Variants in SGCZ observed in about 807,000 individuals in gnomAD.
SGCZ encodes the protein sarcoglycan zeta, also known as zeta-sarcoglycan.
SGCZ carries 40 observed loss-of-function variants against 41.3 expected under a neutral mutation model. The observed-to-expected ratio is 0.97, with a 90% CI of 0.75 to 1.26. The LOEUF is 1.26. Among genes scored for constraint, SGCZ ranks in the 50% most tolerant of loss-of-function variants. The probability of loss-of-function intolerance (pLI) is 0.00; values close to 1 mark genes in which losing one functional copy is unlikely to be tolerated. For synonymous variants in SGCZ, 206 were observed against 137.5 expected (o/e 1.50, Z -3.49); for missense variants, 552 against 369.8 (o/e 1.49, Z -4.04).
At chr8:14,820,457 A>G (rs1355107664) in intron 1 of SGCZ, among the ~76,000 whole-genome samples, 1 of 152,056 alleles carries the variant, frequency 6.6e-6, no homozygotes, top group African/African-American at 2.4e-5. Context: ...GTCTACAAAG[A>G]AAAATTGGAA....
At chr8:15,023,285 A>G (rs1803322949) in intron 1 of SGCZ, among the ~76,000 whole-genome samples, 1 of 152,186 alleles carries the variant, frequency 6.6e-6, no homozygotes, top group Non-Finnish European at 1.5e-5. Context: ...AGCTTTCCCC[A>G]GCAGCCTGCT....
intron 2 of SGCZ, among the ~76,000 whole-genome samples, chr8:14,352,679 C>A (rs1353686948): frequency 6.6e-6 from 1 of 152,154 alleles, no homozygotes; most frequent in East Asian, 1.9e-4. Flanking sequence ...AGCTTTAAAA[C>A]CCTAGAAACT....
At chr8:14,853,664 G>C (rs2130660624) in intron 1 of SGCZ, among the ~76,000 whole-genome samples, 1 of 152,242 alleles carries the variant, frequency 6.6e-6, no homozygotes, top group Non-Finnish European at 1.5e-5. Flanking sequence ...ATCATTGGCA[G>C]TTCCTAGAAT....
At chr8:14,225,943 A>C (rs1806357664) in intron 4 of SGCZ, among the ~76,000 whole-genome samples, 1 of 152,124 alleles carries the variant, frequency 6.6e-6, no homozygotes, top group Non-Finnish European at 1.5e-5. Flanking sequence ...TTACACACGT[A>C]TCATAGACCT....
intron 1 of SGCZ, among the ~76,000 whole-genome samples, chr8:14,922,439 T>C (rs971654818): frequency 6.6e-6 from 1 of 152,150 alleles, no homozygotes; most frequent in African/African-American, 2.4e-5. Flanking sequence ...CTAATTTTTA[T>C]GTTTTTGTAT....
At chr8:14,784,594 T>C (rs1800694912) in intron 1 of SGCZ, among the ~76,000 whole-genome samples, 1 of 151,912 alleles carries the variant, frequency 6.6e-6, no homozygotes, top group African/African-American at 2.4e-5. Flanking sequence ...ACAAGGAGAA[T>C]GATAAGATGC....
intron 1 of SGCZ, among the ~76,000 whole-genome samples, chr8:15,214,766 A>C (rs926827475): frequency 6.6e-6 from 1 of 152,174 alleles, no homozygotes; most frequent in African/African-American, 2.4e-5. Context: ...TCTTTCAAAA[A>C]TAATTGCCTA....
intron 2 of SGCZ, among the ~76,000 whole-genome samples, chr8:14,437,622 G>C (rs78001065): frequency 0.031 from 4,702 of 151,776 alleles, 221 homozygotes; most frequent in African/African-American, 0.11. Flanking sequence ...AAATATCAAA[G>C]AGCATAAGCA....
At chr8:14,875,998 G>C (rs539377314) in intron 1 of SGCZ, among the ~76,000 whole-genome samples, 1 of 152,082 alleles carries the variant, frequency 6.6e-6, no homozygotes, top group Non-Finnish European at 1.5e-5. Flanking sequence ...CAAACCATTT[G>C]GGAACTCTGG....
At chr8:14,817,218 G>C (rs977417707) in intron 1 of SGCZ, among the ~76,000 whole-genome samples, 1 of 152,128 alleles carries the variant, frequency 6.6e-6, no homozygotes, top group Non-Finnish European at 1.5e-5. Context: ...ATAGAGAGGG[G>C]ATGGAGGCAC....
At chr8:14,236,549 G>T (rs1806769190) in intron 4 of SGCZ, among the ~76,000 whole-genome samples, 2 of 151,526 alleles carry the variant, frequency 1.3e-5, no homozygotes, top group African/African-American at 2.4e-5. Flanking sequence ...TAGAAATATT[G>T]GAAATATACA....
At chr8:14,879,753 A>G (rs10095307) in intron 1 of SGCZ, 50,958 of 151,590 alleles carry the variant, frequency 0.34, 10,895 homozygotes, top group African/African-American at 0.6. Flanking sequence ...CCTGCCAGCC[A>G]CCAGTTAGAT....
chr8:15,168,457 T>A (rs1799728199), intron 1 of SGCZ, among the ~76,000 whole-genome samples: 1 of 152,180 alleles, frequency 6.6e-6, no homozygotes, highest in African/African-American at 2.4e-5. Flanking sequence ...CCCTATTCTC[T>A]AGCTCCCCCC....
intron 2 of SGCZ, among the ~76,000 whole-genome samples, chr8:14,502,552 A>G (rs961910566): frequency 2.6e-5 from 4 of 152,134 alleles, no homozygotes; most frequent in African/African-American, 7.2e-5. Context: ...TTTGCGATCT[A>G]TCCATCTGAC....
intron 1 of SGCZ, among the ~76,000 whole-genome samples, chr8:14,586,889 T>C (rs951599641): frequency 1.3e-5 from 2 of 152,172 alleles, no homozygotes; most frequent in South Asian, 4.1e-4. Flanking sequence ...TTTGACAGAT[T>C]AATAAAGTTC....
chr8:15,041,150 TTA>T (rs1464982515), intron 1 of SGCZ, among the ~76,000 whole-genome samples: 4 of 151,838 alleles, frequency 2.6e-5, no homozygotes, highest in African/African-American at 9.7e-5. Context: ...TAATAGTCAT[TTA>T]TTTTTTTTAT....
chr8:14,961,869 C>A lies in SGCZ; in HGVS notation c.39+275716G>T, dbSNP rs1411937642. 5.3e-5 allele frequency among the ~76,000 whole-genome samples: 8 copies of A among 152,114 alleles called. No homozygotes were observed. The East Asian group carries it at 1.5e-3, about 29-fold the overall frequency. On this transcript the variant is annotated intron_variant, in intron 1 of 7. Transcript: ENST00000382080. ...GCCTTCAAGGTATATGGCAATAGGG[C>A]CGCAAACTACTCCCTATTCATAGCA...
intron 2 of SGCZ, among the ~76,000 whole-genome samples, chr8:14,501,097 T>C (rs1802139524): frequency 6.6e-6 from 1 of 151,984 alleles, no homozygotes; most frequent in South Asian, 2.1e-4. Flanking sequence ...TAGAAGCTCT[T>C]GGGGAGAATA....
intron 4 of SGCZ, among the ~76,000 whole-genome samples, chr8:14,174,124 TACTTA>T (rs1349113033): frequency 3.3e-5 from 5 of 152,106 alleles, no homozygotes; most frequent in South Asian, 4.1e-4. Context: ...ACAATTTTCA[TACTTA>T]ACTTAAAAAT....
Sources: gnomAD v4.1 joint callset for allele counts (sites outside exome capture counted in the v4.1 genomes callset) on GRCh38, gnomAD v4.1.1 for gene constraint, MANE v1.5 for transcripts, NCBI Gene and HGNC (gene_info 2026-07-23, HGNC 2026-07-21) for gene names.